Variants in ASNS observed in about 807,000 individuals in gnomAD.
The protein encoded by ASNS is asparagine synthetase [glutamine-hydrolyzing].
ASNS carries 37 observed loss-of-function variants against 62.6 expected under a neutral mutation model. That is an observed-to-expected ratio of 0.59 (90% CI 0.45 to 0.78). The LOEUF (loss-of-function observed/expected upper bound fraction) is 0.78, where lower values mean the gene tolerates loss of function less well. Ranked by LOEUF, ASNS falls within the 30% of genes least tolerant of loss-of-function variation. The pLI is 0.00. For synonymous variants in ASNS, 207 were observed against 237.9 expected (o/e 0.87, Z 1.19); for missense variants, 520 against 682.4 (o/e 0.76, Z 2.65).
chr7:97,866,160 A>G (rs1041689148), intron 3 of ASNS, among the ~76,000 whole-genome samples: 3 of 152,244 alleles, frequency 2.0e-5, no homozygotes, highest in African/African-American at 7.2e-5. Flanking sequence ...TTGAGAAGAT[A>G]GTATTGGCTA....
chr7:97,853,177 C>G lies in ASNS; in HGVS notation c.1359G>C (p.Glu453Asp). Residue 453 changes from glutamate to aspartate, a missense_variant, in exon 12 of 13, where the codon GAG becomes GAC. Physicochemically the swap from Glu to Asp is conservative, Grantham distance 45. Coordinates refer to ENST00000394308, the MANE Select transcript of ASNS (RefSeq NM_001673.5). ...IEKHLLRETF[E>D]DSNLIPKEIL... ...TCTCTTTGGGTATCAGATTGGAATC[C>G]TCAAACGTCTCTCTCAGGAGATGTT... is the stretch of plus-strand genomic sequence containing the variant. 1 of 1,610,018 alleles carries G rather than the reference C, an allele frequency of 6.2e-7. No individual in the cohort carries two copies.
the ASNS span, among the ~76,000 whole-genome samples, chr7:97,896,037 A>G: frequency 1.3e-5 from 2 of 152,050 alleles, no homozygotes; most frequent in Non-Finnish European, 2.9e-5. Context: ...CAAAACGCTG[A>G]TAAAATAAAT....
At chr7:97,883,754 G>A in the ASNS span, among the ~76,000 whole-genome samples, 4 of 152,096 alleles carry the variant, frequency 2.6e-5, no homozygotes, top group African/African-American at 9.7e-5. Flanking sequence ...TTGGGAGGCC[G>A]AGGCGGTCGG....
At chr7:97,859,685 T>C (rs1231549372) in intron 4 of ASNS, among the ~76,000 whole-genome samples, 1 of 152,196 alleles carries the variant, frequency 6.6e-6, no homozygotes, top group Non-Finnish European at 1.5e-5. Context: ...AGATTTCTAA[T>C]CAAGAAAACC....
chr7:97,877,279 G>A (rs939941478), upstream of ASNS, among the ~76,000 whole-genome samples: 4 of 151,946 alleles, frequency 2.6e-5, no homozygotes, highest in African/African-American at 7.3e-5. Context: ...ATTTTTAGTA[G>A]AGACGGGGTT....
At chr7:97,912,395 T>C in the ASNS span, among the ~76,000 whole-genome samples, 1 of 152,026 alleles carries the variant, frequency 6.6e-6, no homozygotes, top group Admixed American at 6.6e-5. Flanking sequence ...CAAAGCAATC[T>C]TGTGGAAAGA....
intron 4 of ASNS, among the ~76,000 whole-genome samples, chr7:97,859,818 T>G (rs1791632146): frequency 6.6e-6 from 1 of 152,230 alleles, no homozygotes; most frequent in Non-Finnish European, 1.5e-5. Context: ...TGAGGTATTT[T>G]CAGAACACAG....
At chr7:97,891,067 A>T in the ASNS span, among the ~76,000 whole-genome samples, 9 of 152,374 alleles carry the variant, frequency 5.9e-5, no homozygotes, top group African/African-American at 2.2e-4. Flanking sequence ...TACCTGACTG[A>T]GACTGGGCAA....
the ASNS span, among the ~76,000 whole-genome samples, chr7:97,923,853 G>A: frequency 7.2e-5 from 11 of 152,098 alleles, no homozygotes; most frequent in African/African-American, 2.7e-4. Flanking sequence ...ACCAGGCACC[G>A]GACTCCACAC....
chr7:97,857,854 A>G (rs373705625), intron 7 of ASNS, among the ~76,000 whole-genome samples: 1 of 151,912 alleles, frequency 6.6e-6, no homozygotes, highest in Non-Finnish European at 1.5e-5. Context: ...CTAAGACTAC[A>G]GGCATGCGTC....
chr7:97,896,741 C>CACACATATATATATATATATAT, the ASNS span, among the ~76,000 whole-genome samples: 10 of 19,780 alleles, frequency 5.1e-4, no homozygotes, highest in Admixed American at 2.3e-3. Flanking sequence ...CACACACACA[C>CACACATATATATATATATATAT]ATATATATAT....
chr7:97,921,432 A>G, the ASNS span, among the ~76,000 whole-genome samples: 1 of 152,224 alleles, frequency 6.6e-6, no homozygotes, highest in African/African-American at 2.4e-5. Flanking sequence ...GTGTGGCTGT[A>G]TTCCAATAAA....
At chr7:97,910,391 G>C in the ASNS span, among the ~76,000 whole-genome samples, 3 of 152,262 alleles carry the variant, frequency 2.0e-5, no homozygotes, top group South Asian at 6.2e-4. Context: ...GGCATCATGA[G>C]GACACTCCAC....
At chr7:97,887,657 G>A in the ASNS span, among the ~76,000 whole-genome samples, 28 of 152,282 alleles carry the variant, frequency 1.8e-4, no homozygotes, top group African/African-American at 6.7e-4. Context: ...GAGCAAAGTC[G>A]AGCTTCCCAG....
chr7:97,903,843 A>C, the ASNS span, among the ~76,000 whole-genome samples: 2 of 152,198 alleles, frequency 1.3e-5, no homozygotes, highest in South Asian at 2.1e-4. Flanking sequence ...CTCATGATTA[A>C]TGTGTTTAAT....
At chr7:97,864,218 CCAAGA>C in intron 4 of ASNS, 36 bp downstream of exon 4, 1 of 1,541,516 alleles carries the variant, frequency 6.5e-7, no homozygotes, top group Non-Finnish European at 8.9e-7. Context: ...AAACGTACAA[CCAAGA>C]CAATAATGAA....
the ASNS span, among the ~76,000 whole-genome samples, chr7:97,883,987 C>CAAAAAAAAAAA: frequency 1.0e-3 from 107 of 104,352 alleles, no homozygotes; most frequent in Middle Eastern, 4.9e-3. Flanking sequence ...GACTCCATCT[C>CAAAAAAAAAAA]AAAAAAAAAA....
the ASNS span, among the ~76,000 whole-genome samples, chr7:97,893,474 C>T: frequency 6.6e-6 from 1 of 152,352 alleles, no homozygotes; most frequent in East Asian, 1.9e-4. Flanking sequence ...ACAACGTCTA[C>T]AAGAAACTCA....
At chr7:97,887,956 C>T in the ASNS span, among the ~76,000 whole-genome samples, 7 of 152,340 alleles carry the variant, frequency 4.6e-5, no homozygotes, top group South Asian at 1.2e-3. Flanking sequence ...ACTTTCTTCT[C>T]CAACCCGCCC....
Sources: gnomAD v4.1 joint callset for allele counts (sites outside exome capture counted in the v4.1 genomes callset) on GRCh38, gnomAD v4.1.1 for gene constraint, MANE v1.5 for transcripts, NCBI Gene and HGNC (gene_info 2026-07-23, HGNC 2026-07-21) for gene names.